The following PDE1C variants were observed in gnomAD, a reference collection of about 807,000 sequenced individuals.
PDE1C encodes phosphodiesterase 1C, also known as dual specificity calcium/calmodulin-dependent 3',5'-cyclic nucleotide phosphodiesterase 1C.
PDE1C carries 62 observed loss-of-function variants against 93.1 expected under a neutral mutation model. The ratio of observed to expected loss-of-function variants is 0.67; its 90% CI spans 0.54 to 0.82. The LOEUF is 0.82. Among genes scored for constraint, PDE1C ranks in the 40% least tolerant of loss-of-function variants. PDE1C has a pLI of 0.00. For synonymous variants in PDE1C, 325 were observed against 310.1 expected (o/e 1.05, Z -0.50); for missense variants, 742 against 884.6 (o/e 0.84, Z 2.04).
intron 1 of PDE1C, among the ~76,000 whole-genome samples, chr7:32,279,541 T>C (rs1811494030): frequency 6.6e-6 from 1 of 152,174 alleles, no homozygotes; most frequent in Admixed American, 6.5e-5. Flanking sequence ...TTGATCATTA[T>C]ACAATATATA....
chr7:32,265,091 G>A (rs1232509559), intron 1 of PDE1C, among the ~76,000 whole-genome samples: 3 of 152,216 alleles, frequency 2.0e-5, no homozygotes, highest in Admixed American at 6.5e-5. Context: ...AACAGACAGA[G>A]TGGCCACTCC....
rs770632825 is a variant in PDE1C, at chr7:32,272,083, G to A, written c.85+26568C>T. On this transcript the variant is annotated intron_variant, in intron 1 of 18. Coordinates refer to the PDE1C transcript ENST00000396193. ...ATGAAGAAGCTCATTAACTTGGGTCGGTAGATTGGACAGTGTAGCACCTGT... is the reference window on the plus strand; with the variant it reads ...ATGAAGAAGCTCATTAACTTGGGTCAGTAGATTGGACAGTGTAGCACCTGT... 7.9e-5 allele frequency among the ~76,000 whole-genome samples: 12 copies of A among 152,312 alleles called. No homozygotes were observed. In the East Asian group the frequency reaches 1.5e-3, roughly 20 times the overall value.
chr7:32,137,350 C>T (rs892714650), intron 3 of PDE1C, among the ~76,000 whole-genome samples: 3 of 152,204 alleles, frequency 2.0e-5, no homozygotes, highest in Non-Finnish European at 2.9e-5. Flanking sequence ...AAGGGCTGTG[C>T]GACTGCAGCA....
At chr7:32,113,952 T>G (rs558304285) in intron 3 of PDE1C, among the ~76,000 whole-genome samples, 1 of 152,236 alleles carries the variant, frequency 6.6e-6, no homozygotes, top group East Asian at 1.9e-4. Flanking sequence ...CAAGGAGAAC[T>G]GCAAACCACT....
chr7:31,873,289 G>A lies in PDE1C; in HGVS notation c.609+3C>T. The A allele has an allele frequency of 6.4e-7, 1 of 1,563,946 alleles. No homozygotes were observed. The highest frequency in any genetic ancestry group is 8.8e-7 in the Non-Finnish European group (1 of 1,136,496). On this transcript the variant is annotated splice_donor_region_variant and intron_variant, in intron 6 of 17. Coordinates refer to ENST00000396191, the MANE Select transcript of PDE1C (RefSeq NM_001191057.4). ...TATTTTTTCTTTTTAAAGAGGTACT[G>A]ACCTTGAAACGGCTGATCAGATCAT... is the stretch of plus-strand genomic sequence containing the variant.
intron 3 of PDE1C, among the ~76,000 whole-genome samples, chr7:32,151,428 C>T (rs766675214): frequency 1.3e-5 from 2 of 152,186 alleles, no homozygotes; most frequent in Non-Finnish European, 2.9e-5. Flanking sequence ...TTCTGTGAAT[C>T]TATTTTGGAA....
rs370922254 is a variant in PDE1C at position 32,165,188 on chromosome 7, T to C, written c.308+4597A>G. On this transcript the variant is annotated intron_variant, in intron 3 of 18. Coordinates refer to the PDE1C transcript ENST00000396193. Reference sequence around the variant, plus strand: ...ATGTTTGATCCTATTTAACTTTGTATGTGTAGGCTTCAAGGGCATGTAAGG... The same window carrying C: ...ATGTTTGATCCTATTTAACTTTGTACGTGTAGGCTTCAAGGGCATGTAAGG... Among the ~76,000 whole-genome samples, 614 of 152,328 alleles carry C rather than the reference T, an allele frequency of 4.0e-3. 8 individuals are homozygous for C. The highest frequency in any genetic ancestry group is 0.032 in the South Asian group (155 of 4,822).
At chr7:31,719,985 A>AC in the PDE1C span, among the ~76,000 whole-genome samples, 1 of 150,536 alleles carries the variant, frequency 6.6e-6, no homozygotes, top group South Asian at 2.1e-4. Context: ...ACAAGGTGAA[A>AC]CCCCGTCTCT....
chr7:31,686,846 T>C, the PDE1C span: 1 of 152,198 alleles, frequency 6.6e-6, no homozygotes, highest in African/African-American at 2.4e-5. Context: ...TGATTGAAAG[T>C]ACTCTGGATT....
intron 2 of PDE1C, among the ~76,000 whole-genome samples, chr7:31,996,066 G>GAC (rs3078631): frequency 0.29 from 40,576 of 138,256 alleles, 6,020 homozygotes; most frequent in Non-Finnish European, 0.35. Context: ...TACGCTTCCG[G>GAC]ACACACACAC....
intron 2 of PDE1C, among the ~76,000 whole-genome samples, chr7:32,175,197 A>C (rs541660184): frequency 3.9e-5 from 6 of 152,208 alleles, no homozygotes; most frequent in Non-Finnish European, 7.3e-5. Context: ...TCTTCTAAAA[A>C]GGCTAGAAAA....
At chr7:31,711,659 A>T in the PDE1C span, among the ~76,000 whole-genome samples, 1 of 152,178 alleles carries the variant, frequency 6.6e-6, no homozygotes, top group Non-Finnish European at 1.5e-5. Flanking sequence ...TCAACTTTCC[A>T]GTACTCAAAA....
intron 1 of PDE1C, among the ~76,000 whole-genome samples, chr7:32,315,568 A>C (rs1393581162): frequency 6.6e-6 from 1 of 152,188 alleles, no homozygotes; most frequent in Non-Finnish European, 1.5e-5. Context: ...ATTGGTTATA[A>C]TTTAGTTTCT....
At chr7:32,049,055 C>T (rs1385346606) in intron 2 of PDE1C, among the ~76,000 whole-genome samples, 2 of 152,166 alleles carry the variant, frequency 1.3e-5, no homozygotes, top group Non-Finnish European at 2.9e-5. Flanking sequence ...ATTGAGGCAA[C>T]TTTGAAGCAC....
At chr7:31,642,706 A>G in the PDE1C span, 8 of 1,613,782 alleles carry the variant, frequency 5.0e-6, no homozygotes, top group African/African-American at 9.3e-5. Flanking sequence ...AAACAGCCAG[A>G]GTCCTGCTGA....
At chr7:32,000,115 A>G (rs1394999826) in intron 2 of PDE1C, among the ~76,000 whole-genome samples, 9 of 152,180 alleles carry the variant, frequency 5.9e-5, no homozygotes, top group Non-Finnish European at 1.0e-4. Context: ...ATTAAATGAC[A>G]GCAGTTATGG....
At chr7:31,743,813 T>A in the PDE1C span, among the ~76,000 whole-genome samples, 1 of 152,118 alleles carries the variant, frequency 6.6e-6, no homozygotes, top group Non-Finnish European at 1.5e-5. Flanking sequence ...GTTCAGTAAT[T>A]TAATTGGAGC....
At chr7:32,269,724 C>T (rs966756309) in intron 1 of PDE1C, among the ~76,000 whole-genome samples, 13 of 152,058 alleles carry the variant, frequency 8.5e-5, no homozygotes, top group South Asian at 2.1e-4. Flanking sequence ...ATGATCTGTC[C>T]GCCTCGGCCT....
intron 2 of PDE1C, among the ~76,000 whole-genome samples, chr7:31,952,434 G>A (rs1387127177): frequency 6.6e-6 from 1 of 152,062 alleles, no homozygotes; most frequent in Non-Finnish European, 1.5e-5. Flanking sequence ...ATTTTTAGTA[G>A]AGACAGGATT....
Sources: gnomAD v4.1 joint callset for allele counts (sites outside exome capture counted in the v4.1 genomes callset) on GRCh38, gnomAD v4.1.1 for gene constraint, MANE v1.5 for transcripts, NCBI Gene and HGNC (gene_info 2026-07-23, HGNC 2026-07-21) for gene names.